FSTL4: variants seen among roughly 807,000 people sequenced by gnomAD.
FSTL4 encodes the protein follistatin like 4.
A neutral mutation model predicts 78.2 loss-of-function variants in FSTL4; 28 were observed. The ratio of observed to expected loss-of-function variants is 0.36; its 90% CI spans 0.27 to 0.49. FSTL4 has a LOEUF of 0.49. Among genes scored for constraint, FSTL4 ranks in the 20% least tolerant of loss-of-function variants. The pLI, the probability that FSTL4 is intolerant of heterozygous loss-of-function variation, is 0.98. For missense variants in FSTL4, 922 were observed against 1,084.9 expected, an observed-to-expected ratio of 0.85 and a Z score of 2.11; for synonymous variants, 422 against 440.5, an observed-to-expected ratio of 0.96 and a Z score of 0.53.
At chr5:133,418,802 G>A (rs996964541) in intron 3 of FSTL4, among the ~76,000 whole-genome samples, 4 of 152,164 alleles carry the variant, frequency 2.6e-5, no homozygotes, top group Admixed American at 2.6e-4. Flanking sequence ...AATTTGAAAG[G>A]TTTCGACATA....
At chr5:133,261,859 G>A (rs1007906940) in intron 6 of FSTL4, among the ~76,000 whole-genome samples, 1 of 152,096 alleles carries the variant, frequency 6.6e-6, no homozygotes, top group African/African-American at 2.4e-5. Flanking sequence ...GGGCATGGTG[G>A]TGTGTGCCTG....
the FSTL4 span, among the ~76,000 whole-genome samples, chr5:133,792,250 ACTGCCC>A: frequency 2.0e-5 from 3 of 151,914 alleles, no homozygotes; most frequent in Non-Finnish European, 4.4e-5. Context: ...CCCCATTAGG[ACTGCCC>A]CTCCCAGCCC....
At chr5:133,627,707 T>G in the FSTL4 span, among the ~76,000 whole-genome samples, 1 of 152,204 alleles carries the variant, frequency 6.6e-6, no homozygotes. Context: ...TCTCTTTTAA[T>G]AGCCTATTTA....
At chr5:133,657,687 A>G in the FSTL4 span, among the ~76,000 whole-genome samples, 1 of 151,280 alleles carries the variant, frequency 6.6e-6, no homozygotes, top group African/African-American at 2.4e-5. Flanking sequence ...AATGTTATAC[A>G]TTTCATTATC....
intron 13 of FSTL4, among the ~76,000 whole-genome samples, chr5:133,214,530 C>T (rs1750847655): frequency 1.3e-5 from 2 of 152,238 alleles, no homozygotes; most frequent in East Asian, 1.9e-4. Context: ...TCATTGTTGC[C>T]CAGCAGTCCT....
At chr5:133,748,708 C>G in the FSTL4 span, among the ~76,000 whole-genome samples, 1 of 152,206 alleles carries the variant, frequency 6.6e-6, no homozygotes, top group Non-Finnish European at 1.5e-5. Context: ...CTGGAGGCAG[C>G]AGAGTCAGCC....
At chr5:133,824,726 T>G in the FSTL4 span, among the ~76,000 whole-genome samples, 2 of 152,014 alleles carry the variant, frequency 1.3e-5, no homozygotes, top group East Asian at 3.9e-4. Context: ...GCAACCAAGT[T>G]TGGCTTTTCC....
chr5:133,580,461 T>C (rs1373006141), intron 2 of FSTL4, among the ~76,000 whole-genome samples: 1 of 152,184 alleles, frequency 6.6e-6, no homozygotes, highest in African/African-American at 2.4e-5. Flanking sequence ...CCAGTCCTTA[T>C]GAAGCTTAGG....
chr5:133,525,994 G>A (rs1022074266), intron 3 of FSTL4, among the ~76,000 whole-genome samples: 1 of 152,134 alleles, frequency 6.6e-6, no homozygotes, highest in African/African-American at 2.4e-5. Flanking sequence ...TGGGGGAGAC[G>A]GAGCAGCTTG....
At chr5:133,805,488 A>G in the FSTL4 span, among the ~76,000 whole-genome samples, 3 of 152,188 alleles carry the variant, frequency 2.0e-5, no homozygotes, top group African/African-American at 7.2e-5. Flanking sequence ...AAATGTGACT[A>G]TCGTATCCAG....
intron 4 of FSTL4, among the ~76,000 whole-genome samples, chr5:133,331,897 G>C (rs1754356657): frequency 6.6e-6 from 1 of 152,168 alleles, no homozygotes; most frequent in Admixed American, 6.5e-5. Context: ...ATCTACACGG[G>C]AAACTTATCA....
intron 5 of FSTL4, 70 bp from the exon 6 acceptor site, chr5:133,312,847 C>T: frequency 1.3e-6 from 2 of 1,536,342 alleles, no homozygotes; most frequent in Non-Finnish European, 1.8e-6. Context: ...ATGAAAATGA[C>T]TCAGGCCAAG....
chr5:133,243,381 A>G (rs1339709514), intron 7 of FSTL4, among the ~76,000 whole-genome samples: 1 of 152,218 alleles, frequency 6.6e-6, no homozygotes, highest in Non-Finnish European at 1.5e-5. Context: ...TATCCTGGCT[A>G]AACAATTCCA....
chr5:133,279,882 T>C (rs1429331230), intron 6 of FSTL4, among the ~76,000 whole-genome samples: 4 of 152,196 alleles, frequency 2.6e-5, no homozygotes, highest in African/African-American at 9.6e-5. Flanking sequence ...CGCTTACTGG[T>C]GTCCTTATGA....
At chr5:133,687,328 A>T in the FSTL4 span, among the ~76,000 whole-genome samples, 1 of 152,188 alleles carries the variant, frequency 6.6e-6, no homozygotes, top group African/African-American at 2.4e-5. Flanking sequence ...GCCAGGTTGG[A>T]GCCTTATGTC....
At chr5:133,354,740 A>ATCT (rs1467548933) in intron 4 of FSTL4, among the ~76,000 whole-genome samples, 1 of 152,216 alleles carries the variant, frequency 6.6e-6, no homozygotes, top group African/African-American at 2.4e-5. Context: ...CCTTGAGACA[A>ATCT]TCTTATAATT....
chr5:133,783,634 A>C, the FSTL4 span, among the ~76,000 whole-genome samples: 1 of 152,130 alleles, frequency 6.6e-6, no homozygotes, highest in African/African-American at 2.4e-5. Flanking sequence ...GGAAAGTCCA[A>C]GTTCTCTTTG....
At chr5:133,356,897 CA>C (rs1425623104) in intron 4 of FSTL4, among the ~76,000 whole-genome samples, 35 of 152,342 alleles carry the variant, frequency 2.3e-4, no homozygotes, top group Non-Finnish European at 4.4e-4. Flanking sequence ...CCCTGCCCAT[CA>C]GGAAGAGCCT....
chr5:133,489,281 T>C (rs1375159363), intron 3 of FSTL4, among the ~76,000 whole-genome samples: 1 of 152,114 alleles, frequency 6.6e-6, no homozygotes, highest in Non-Finnish European at 1.5e-5. Flanking sequence ...TTGCACTGAG[T>C]GTTGGGATGG....
Sources: allele counts gnomAD v4.1 joint callset (sites outside exome capture counted in the v4.1 genomes callset), GRCh38; gene constraint gnomAD v4.1.1; transcripts MANE v1.5; gene names NCBI Gene and HGNC (gene_info 2026-07-23, HGNC 2026-07-21).